ANKS1B: variants seen among roughly 807,000 people sequenced by gnomAD.
The protein encoded by ANKS1B is ankyrin repeat and sterile alpha motif domain-containing protein 1B.
In ANKS1B, 36 loss-of-function variants were observed where a neutral mutation model predicts 148.3. That is an observed-to-expected ratio of 0.24 (90% confidence interval 0.19 to 0.32). The LOEUF (loss-of-function observed/expected upper bound fraction) is 0.32. Among genes scored for constraint, ANKS1B ranks in the 10% least tolerant of loss-of-function variants. The probability of loss-of-function intolerance (pLI) is 1.00; values close to 1 mark genes in which losing one functional copy is unlikely to be tolerated. For missense variants in ANKS1B, 1,157 were observed against 1,542.6 expected (o/e 0.75, Z 4.19); for synonymous variants, 542 against 560.8 (o/e 0.97, Z 0.47).
At chr12:99,881,492 G>A (rs532270762) in intron 1 of ANKS1B, among the ~76,000 whole-genome samples, 1 of 152,256 alleles carries the variant, frequency 6.6e-6, no homozygotes, top group Admixed American at 6.5e-5. Context: ...GATGTGTGTG[G>A]CAGAGCAGGA....
intron 10 of ANKS1B, among the ~76,000 whole-genome samples, chr12:99,501,879 T>C (rs1233083490): frequency 6.6e-6 from 1 of 152,216 alleles, no homozygotes; most frequent in Non-Finnish European, 1.5e-5. Context: ...CTAATTTAGA[T>C]GTGATTCGAT....
chr12:98,826,882 A>G (rs1201368600), intron 19 of ANKS1B, among the ~76,000 whole-genome samples: 1 of 152,196 alleles, frequency 6.6e-6, no homozygotes, highest in East Asian at 1.9e-4. Context: ...ACATAACTTC[A>G]GGGGAAAAAG....
chr12:99,828,431 C>G (rs1054233067), intron 1 of ANKS1B, among the ~76,000 whole-genome samples: 20 of 152,148 alleles, frequency 1.3e-4, no homozygotes, highest in African/African-American at 4.8e-4. Flanking sequence ...GAACTCAGAG[C>G]TTCCCATGAG....
intron 22 of ANKS1B, among the ~76,000 whole-genome samples, chr12:98,798,258 A>G (rs549362720): frequency 1.3e-5 from 2 of 151,974 alleles, no homozygotes; most frequent in South Asian, 4.2e-4. Flanking sequence ...AGTAGCTGGG[A>G]TTACAGGTGC....
chr12:99,089,633 T>C (rs1185846373), intron 15 of ANKS1B, among the ~76,000 whole-genome samples: 1 of 152,206 alleles, frequency 6.6e-6, no homozygotes, highest in Admixed American at 6.5e-5. Flanking sequence ...TGAGTTTTTC[T>C]CAGGATGTAG....
chr12:99,268,303 G>C lies in ANKS1B; in HGVS notation c.1757-21439C>G, dbSNP rs73381149. ...TTTTTCTGAACACTACTAGAATTCAGAGCAGAAATATGAGTCCCCTTGAAA... is the reference window on the plus strand; with the variant it reads ...TTTTTCTGAACACTACTAGAATTCACAGCAGAAATATGAGTCCCCTTGAAA... On this transcript the variant is annotated intron_variant, in intron 12 of 26. Coordinates refer to ENST00000683438, the MANE Select transcript of ANKS1B (RefSeq NM_001352186.2). 7.4e-3 allele frequency among the ~76,000 whole-genome samples: 1,132 copies of C among 152,304 alleles called. 13 individuals carry two copies. The highest frequency in any genetic ancestry group is 0.026 in the African/African-American group (1,089 of 41,562).
chr12:99,460,732 CA>C (rs201364516), intron 10 of ANKS1B, among the ~76,000 whole-genome samples: 43,169 of 142,274 alleles, frequency 0.3, 6,696 homozygotes, highest in African/African-American at 0.44. Flanking sequence ...GCCATAATAA[CA>C]AAAAAAAAAA....
chr12:99,219,101 T>C (rs948063249), intron 14 of ANKS1B, among the ~76,000 whole-genome samples: 1 of 152,172 alleles, frequency 6.6e-6, no homozygotes, highest in African/African-American at 2.4e-5. Flanking sequence ...GATCTGGTAG[T>C]TCCAGTCTAG....
chr12:99,768,239 G>A (rs897161411), intron 8 of ANKS1B, among the ~76,000 whole-genome samples: 3 of 152,086 alleles, frequency 2.0e-5, no homozygotes, highest in African/African-American at 7.2e-5. Flanking sequence ...AATTTTAACT[G>A]AACCCAAATG....
intron 17 of ANKS1B, among the ~76,000 whole-genome samples, chr12:98,897,254 C>A (rs933693356): frequency 1.3e-5 from 2 of 152,084 alleles, no homozygotes; most frequent in African/African-American, 4.8e-5. Flanking sequence ...AACTAAGGAG[C>A]TTCTGCACAG....
rs192763257 is a variant in ANKS1B, at chr12:98,945,785, T to A, written c.2778+107372A>T. On this transcript the variant is annotated intron_variant, in intron 17 of 26. Transcript: ENST00000683438. The stretch of plus-strand genomic sequence containing the variant: ...GTGCAATCCACATCAACACTTCCAA[T>A]ACTCTCAAGCAAGGCCAATAAATCA... Among the ~76,000 whole-genome samples, 14 of 152,294 alleles carry A rather than the reference T, an allele frequency of 9.2e-5. 1 individual carries two copies. In the East Asian group the frequency reaches 2.7e-3, roughly 29 times the overall value.
chr12:99,645,104 T>C (rs543788971), intron 9 of ANKS1B, among the ~76,000 whole-genome samples: 1 of 152,330 alleles, frequency 6.6e-6, no homozygotes, highest in African/African-American at 2.4e-5. Flanking sequence ...AATGTAAATA[T>C]CTTTTGGGGG....
At chr12:99,558,276 C>G (rs2097298722) in intron 9 of ANKS1B, among the ~76,000 whole-genome samples, 1 of 152,106 alleles carries the variant, frequency 6.6e-6, no homozygotes, top group Non-Finnish European at 1.5e-5. Flanking sequence ...TTGTCAGAGT[C>G]CATGTGCACA....
chr12:98,897,548 T>A (rs1459717283), intron 17 of ANKS1B, among the ~76,000 whole-genome samples: 1 of 152,160 alleles, frequency 6.6e-6, no homozygotes, highest in Non-Finnish European at 1.5e-5. Context: ...ATGACTATTA[T>A]TAAAAAGTCA....
chr12:99,627,056 G>C (rs756105430), intron 9 of ANKS1B, among the ~76,000 whole-genome samples: 1 of 152,030 alleles, frequency 6.6e-6, no homozygotes, highest in South Asian at 2.1e-4. Context: ...GAATGTTAGC[G>C]CCTGATAAGT....
intron 1 of ANKS1B, among the ~76,000 whole-genome samples, chr12:99,923,466 T>A (rs1370047932): frequency 1.3e-5 from 2 of 152,106 alleles, no homozygotes; most frequent in Admixed American, 1.3e-4. Flanking sequence ...TGACTAGTAA[T>A]CACTAAAGGA....
At chr12:99,618,812 G>A (rs1343786136) in intron 9 of ANKS1B, among the ~76,000 whole-genome samples, 1 of 152,092 alleles carries the variant, frequency 6.6e-6, no homozygotes, top group Non-Finnish European at 1.5e-5. Flanking sequence ...ACTAAGTCAA[G>A]CTTTTCTTTG....
At chr12:99,197,559 G>T (rs972039807) in intron 14 of ANKS1B, among the ~76,000 whole-genome samples, 1 of 152,122 alleles carries the variant, frequency 6.6e-6, no homozygotes, top group Non-Finnish European at 1.5e-5. Flanking sequence ...GATCATCCTG[G>T]TTTACCTAGG....
At chr12:99,796,743 T>C (rs990566037) in intron 4 of ANKS1B, among the ~76,000 whole-genome samples, 3 of 151,944 alleles carry the variant, frequency 2.0e-5, no homozygotes, top group Non-Finnish European at 4.4e-5. Context: ...ATCAATAATA[T>C]TTCTATTAAA....
Sources: allele counts gnomAD v4.1 joint callset (sites outside exome capture counted in the v4.1 genomes callset), GRCh38; gene constraint gnomAD v4.1.1; transcripts MANE v1.5; gene names NCBI Gene and HGNC (gene_info 2026-07-23, HGNC 2026-07-21).